Variants in STK3 observed in about 807,000 individuals in gnomAD.
The protein encoded by STK3 is serine/threonine kinase 3.
STK3 carries 41 observed loss-of-function variants against 58.0 expected under a neutral mutation model. The ratio of observed to expected loss-of-function variants is 0.71; its 90% CI spans 0.55 to 0.92. The LOEUF (loss-of-function observed/expected upper bound fraction) is 0.92. STK3 is among the 40% of genes least tolerant of loss of function. The pLI is 0.00. For missense variants in STK3, 479 were observed against 602.7 expected, an observed-to-expected ratio of 0.79 and a Z score of 2.15; for synonymous variants, 170 against 191.0, an observed-to-expected ratio of 0.89 and a Z score of 0.91.
intron 9 of STK3, among the ~76,000 whole-genome samples, chr8:98,541,172 A>G (rs909118967): frequency 1.3e-5 from 2 of 152,062 alleles, no homozygotes; most frequent in African/African-American, 4.8e-5. Flanking sequence ...TAACTTCTAC[A>G]TCTTTAATAT....
At chr8:98,554,060 C>A (rs1465790753) in intron 8 of STK3, among the ~76,000 whole-genome samples, 1 of 151,982 alleles carries the variant, frequency 6.6e-6, no homozygotes, top group Non-Finnish European at 1.5e-5. Flanking sequence ...CAAGGTCATA[C>A]AACAAATAAG....
At chr8:98,856,170 A>C (rs1836667853) in intron 3 of STK3, among the ~76,000 whole-genome samples, 1 of 150,914 alleles carries the variant, frequency 6.6e-6, no homozygotes. Context: ...AAAAAAAAAA[A>C]AAAAAAAGGC....
In STK3 at chr8:98,800,009, G is replaced by A. The variant is rs979547564; in HGVS notation, c.27-25190C>T. ...GGGATAGTACAAGATGCCACCCAGC[G>A]TTTACAGGAAAAGGCTTCTGAAATC... On this transcript the variant is annotated intron_variant, in intron 1 of 10. Coordinates refer to ENST00000419617, the MANE Select transcript of STK3 (RefSeq NM_006281.4). This position sits in a 1 kb window ranked among gnomAD's most constrained non-coding sequence, Gnocchi z 4.8. Among the ~76,000 whole-genome samples, 6 of 152,134 alleles carry A rather than the reference G, an allele frequency of 3.9e-5. No individual in the cohort carries two copies. The highest frequency in any genetic ancestry group is 9.7e-5 in the African/African-American group (4 of 41,412).
intron 3 of STK3, among the ~76,000 whole-genome samples, chr8:98,859,863 A>C (rs532191907): frequency 1.3e-5 from 2 of 152,264 alleles, no homozygotes; most frequent in South Asian, 4.1e-4. Flanking sequence ...CGTGAAAGGC[A>C]CTCTGCTGGG....
At position 98,665,388 on chromosome 8, in the gene STK3, A is replaced by G. The variant is rs569076582; in HGVS notation, c.684+41079T>C. On this transcript the variant is annotated intron_variant, in intron 6 of 10. Transcript: ENST00000419617. Reference sequence around the variant, plus strand: ...AAGTAGCTGGTTACATAAACCACCAAGGTTTCTTTTTGTTTGTTTGTTTTT... The same window carrying G: ...AAGTAGCTGGTTACATAAACCACCAGGGTTTCTTTTTGTTTGTTTGTTTTT... 6.6e-5 allele frequency among the ~76,000 whole-genome samples: 10 copies of G among 152,198 alleles called. No homozygotes were observed. In the East Asian group the frequency reaches 1.9e-3, roughly 29 times the overall value.
At position 98,706,612 on chromosome 8, in the gene STK3, G is replaced by A. The variant is rs1302370737; in HGVS notation, c.539C>T (p.Thr180Ile). The change falls in exon 6 of 11, where the codon ACT becomes ATT. Residue 180 changes from threonine (T) to isoleucine (I), a missense_variant. Coordinates refer to ENST00000419617, the MANE Select transcript of STK3 (RefSeq NM_006281.4). ...QLTDTMAKRNTVIGTPFWMAP... is the reference protein window; with the variant it reads ...QLTDTMAKRNIVIGTPFWMAP... The stretch of plus-strand genomic sequence containing the variant: ...CATCCAAAATGGAGTTCCTATTACA[G>A]TATTGCGTTTTGCCATTGTATCCTG... The A allele has an allele frequency of 1.2e-6, 2 of 1,603,896 alleles. No homozygotes were observed. The highest frequency in any genetic ancestry group is 1.7e-6 in the Non-Finnish European group (2 of 1,176,418).
intron 3 of STK3, chr8:98,429,019 C>T (rs1272046196): frequency 1.2e-6 from 2 of 1,613,876 alleles, no homozygotes; most frequent in South Asian, 1.1e-5. Context: ...TCCGTGGTGG[C>T]CTACACCATT....
chr8:98,850,785 G>A (rs892540962), intron 3 of STK3, among the ~76,000 whole-genome samples: 1 of 152,174 alleles, frequency 6.6e-6, no homozygotes, highest in Non-Finnish European at 1.5e-5. Context: ...GTGTGCCTGG[G>A]GGTTCAGAGT....
chr8:98,850,072 T>C (rs1836389075), intron 3 of STK3, among the ~76,000 whole-genome samples: 1 of 152,196 alleles, frequency 6.6e-6, no homozygotes, highest in African/African-American at 2.4e-5. Context: ...CTATACATCA[T>C]TTATTCGGTT....
intron 1 of STK3, among the ~76,000 whole-genome samples, chr8:98,383,764 T>A (rs1447977218): frequency 6.6e-6 from 1 of 152,214 alleles, no homozygotes; most frequent in African/African-American, 2.4e-5. Context: ...GTTTTTTGCT[T>A]TAAAGTAAAA....
chr8:98,368,921 C>G (rs767317503), downstream of STK3, among the ~76,000 whole-genome samples: 1 of 152,174 alleles, frequency 6.6e-6, no homozygotes, highest in Non-Finnish European at 1.5e-5. Flanking sequence ...TTCTCTAGGT[C>G]AAGCTCCTAT....
chr8:98,830,554 G>A (rs1835488401), upstream of STK3, among the ~76,000 whole-genome samples: 1 of 152,192 alleles, frequency 6.6e-6, no homozygotes, highest in African/African-American at 2.4e-5. Flanking sequence ...AAGATTCCAG[G>A]AAGAAAGCAT....
At chr8:98,467,933 T>G (rs900191597) in intron 10 of STK3, among the ~76,000 whole-genome samples, 56 of 152,210 alleles carry the variant, frequency 3.7e-4, no homozygotes, top group African/African-American at 1.3e-3. Flanking sequence ...TATACTATCT[T>G]CATATCATAA....
chr8:98,524,141 C>T (rs994169974), intron 10 of STK3, among the ~76,000 whole-genome samples: 2 of 152,202 alleles, frequency 1.3e-5, no homozygotes, highest in African/African-American at 2.4e-5. Context: ...GTCTTGGCAT[C>T]CTTGCCGAAA....
intron 1 of STK3, among the ~76,000 whole-genome samples, chr8:98,440,520 C>T (rs1818651185): frequency 6.6e-6 from 1 of 152,058 alleles, no homozygotes; most frequent in Non-Finnish European, 1.5e-5. Flanking sequence ...TCCCCAATCC[C>T]CTGTCCCTGG....
At chr8:98,826,177 A>G (rs1835294115), upstream of STK3, among the ~76,000 whole-genome samples, 2 of 152,170 alleles carry the variant, frequency 1.3e-5, no homozygotes, top group South Asian at 2.1e-4. Flanking sequence ...CCCTGATCCA[A>G]TTTGACTCAT....
intron 1 of STK3, among the ~76,000 whole-genome samples, chr8:98,903,494 T>C (rs1052517141): frequency 3.6e-4 from 9 of 25,268 alleles, no homozygotes; most frequent in South Asian, 1.9e-3. Flanking sequence ...GAAGTTCTTC[T>C]TCTTCTTCTT....
intron 1 of STK3, among the ~76,000 whole-genome samples, chr8:98,447,375 T>C (rs1818996739): frequency 6.6e-6 from 1 of 152,128 alleles, no homozygotes; most frequent in Non-Finnish European, 1.5e-5. Context: ...AGATATAATC[T>C]TTCTTATATT....
intron 3 of STK3, among the ~76,000 whole-genome samples, chr8:98,878,197 T>C (rs1427351488): frequency 1.3e-5 from 2 of 151,776 alleles, no homozygotes; most frequent in Non-Finnish European, 2.9e-5. Flanking sequence ...GGATTACAGG[T>C]GTGAGCCACT....
Sources: allele counts gnomAD v4.1 joint callset (sites outside exome capture counted in the v4.1 genomes callset), GRCh38; gene constraint gnomAD v4.1.1; non-coding constraint Gnocchi (gnomAD v3.1); transcripts MANE v1.5; gene names NCBI Gene and HGNC (gene_info 2026-07-23, HGNC 2026-07-21).